Variants in SLC28A1 observed in about 807,000 individuals in gnomAD.
The protein encoded by SLC28A1 is sodium/nucleoside cotransporter 1.
Under a neutral mutation model 74.8 loss-of-function variants are expected in SLC28A1, and 64 were observed. The ratio of observed to expected loss-of-function variants is 0.86; its 90% CI spans 0.70 to 1.05. The LOEUF (loss-of-function observed/expected upper bound fraction) is 1.05. SLC28A1 is among the 50% of genes least tolerant of loss of function. The pLI is 0.00. For synonymous variants in SLC28A1, 359 were observed against 335.0 expected (o/e 1.07, Z -0.78); for missense variants, 828 against 822.8 (o/e 1.01, Z -0.08).
intron 8 of SLC28A1, among the ~76,000 whole-genome samples, chr15:84,906,575 TTC>T (rs773761097): frequency 0.31 from 12,269 of 39,194 alleles, 1,089 homozygotes; most frequent in South Asian, 0.45. Flanking sequence ...TCTTTCTTTC[TTC>T]CTTCCTTCCT....
At chr15:84,942,162 T>C (rs1972794771) in intron 15 of SLC28A1, among the ~76,000 whole-genome samples, 1 of 152,174 alleles carries the variant, frequency 6.6e-6, no homozygotes, top group African/African-American at 2.4e-5. Context: ...TGTGGGTATA[T>C]AGTAGGTGTA....
chr15:84,926,802 A>AT (rs1555453368), intron 12 of SLC28A1, among the ~76,000 whole-genome samples: 1 of 108,102 alleles, frequency 9.3e-6, no homozygotes, highest in Non-Finnish European at 1.8e-5. Flanking sequence ...GGGTGGGGGG[A>AT]GGGGGGGGGT....
chr15:84,957,907 G>T, the SLC28A1 span, among the ~76,000 whole-genome samples: 81 of 152,054 alleles, frequency 5.3e-4, no homozygotes, highest in Non-Finnish European at 1.0e-3. Flanking sequence ...CAATTTGAGG[G>T]GTACATCCAG....
the SLC28A1 span, among the ~76,000 whole-genome samples, chr15:84,954,622 A>G: frequency 1.3e-5 from 2 of 152,238 alleles, no homozygotes; most frequent in Admixed American, 1.3e-4. Flanking sequence ...TCAAGGGCAC[A>G]CAGTTCAGCG....
At chr15:84,923,454 A>G (rs1970099409) in intron 11 of SLC28A1, among the ~76,000 whole-genome samples, 1 of 152,164 alleles carries the variant, frequency 6.6e-6, no homozygotes, top group Non-Finnish European at 1.5e-5. Flanking sequence ...CCTGGAACAC[A>G]GTAGGCGCTC....
At chr15:84,938,937 A>G (rs1185927178) in intron 15 of SLC28A1, among the ~76,000 whole-genome samples, 1 of 152,236 alleles carries the variant, frequency 6.6e-6, no homozygotes, top group African/African-American at 2.4e-5. Context: ...CTTAGAGAGC[A>G]GAGGCAATGG....
At chr15:84,896,903 A>G (rs1966058069) in intron 6 of SLC28A1, among the ~76,000 whole-genome samples, 1 of 152,220 alleles carries the variant, frequency 6.6e-6, no homozygotes, top group Non-Finnish European at 1.5e-5. Context: ...TTCCATTTAT[A>G]TGAAATGTCC....
intron 9 of SLC28A1, among the ~76,000 whole-genome samples, chr15:84,911,143 A>G (rs1210120201): frequency 6.6e-6 from 1 of 151,828 alleles, no homozygotes; most frequent in Non-Finnish European, 1.5e-5. Context: ...CCCGCCCACC[A>G]CTGGCCCGCG....
chr15:84,913,515 C>G (rs1228115835), intron 9 of SLC28A1, among the ~76,000 whole-genome samples: 1 of 152,202 alleles, frequency 6.6e-6, no homozygotes, highest in Admixed American at 6.5e-5. Context: ...TCAGCTGCAC[C>G]AGCAGCATCT....
chr15:84,896,025 C>G (rs1339081060), intron 6 of SLC28A1: 2 of 815,782 alleles, frequency 2.5e-6, no homozygotes, highest in Admixed American at 6.2e-5. Flanking sequence ...TTATTAAATA[C>G]ATTTGTGATT....
chr15:84,920,064 T>TA (rs1969617489), intron 10 of SLC28A1, among the ~76,000 whole-genome samples: 1 of 152,118 alleles, frequency 6.6e-6, no homozygotes, highest in Non-Finnish European at 1.5e-5. Flanking sequence ...TCCAAATACT[T>TA]ACAGAAGAGA....
rs934315355 is a variant in SLC28A1 at position 84,895,889 on chromosome 15, A to G, written c.461+766A>G. The stretch of plus-strand genomic sequence containing the variant: ...CTAAGTCAGGGGGATGCAGGGGTAC[A>G]GGGGTGCCTCTCACTTTCCCAAAGT... On this transcript the variant is annotated intron_variant, in intron 6 of 18. Coordinates refer to ENST00000394573, the MANE Select transcript of SLC28A1 (RefSeq NM_004213.5). 2.1e-5 allele frequency: 22 copies of G among 1,024,540 alleles called. No individual in the cohort carries two copies. The South Asian group carries it at 5.4e-4, about 25-fold the overall frequency. The allele number at this position is 1,024,540 out of a possible 1,614,324, so 63.5% of individuals were successfully genotyped here.
intron 5 of SLC28A1, among the ~76,000 whole-genome samples, chr15:84,892,273 G>A (rs1301006553): frequency 6.6e-6 from 1 of 152,150 alleles, no homozygotes; most frequent in Non-Finnish European, 1.5e-5. Flanking sequence ...GCTCTGGAGG[G>A]GAGGGGCAGT....
chr15:84,895,352 T>C (rs1329295408), intron 6 of SLC28A1: 1 of 1,613,922 alleles, frequency 6.2e-7, no homozygotes, highest in South Asian at 1.1e-5. Context: ...GGACGAAAAC[T>C]GGACTCAACA....
chr15:84,916,204 A>G (rs963210439), intron 9 of SLC28A1, among the ~76,000 whole-genome samples: 1 of 130,032 alleles, frequency 7.7e-6, no homozygotes, highest in Non-Finnish European at 1.6e-5. Context: ...ACCTCAAATG[A>G]TCCACCTGCC....
intron 18 of SLC28A1, 63 bp downstream of exon 18, chr15:84,944,930 T>G: frequency 8.0e-7 from 1 of 1,253,556 alleles, no homozygotes; most frequent in Non-Finnish European, 1.2e-6. Flanking sequence ...GCCTGAGCGC[T>G]GGGGGGGATG....
Position 84,886,770 on chromosome 15 carries a change from C to G in SLC28A1, c.-34C>G. On this transcript the variant is annotated 5_prime_UTR_variant, in exon 2 of 19. Transcript: ENST00000394573. ...TGCTTCCCTCTCTCTCTGAGAGCGA[C>G]CTGTTAACCGCAAATACGTGAGTAG... 3 of 985,380 alleles carry G rather than the reference C, an allele frequency of 3.0e-6. No homozygotes were observed. Among genetic ancestry groups the G allele is most frequent in the Middle Eastern group, 5.2e-4 (1 of 1,914 alleles). The allele number at this position is 985,380 out of a possible 1,614,324, so 61.0% of individuals were successfully genotyped here.
intron 9 of SLC28A1, among the ~76,000 whole-genome samples, chr15:84,916,119 C>T (rs1969056631): frequency 6.6e-6 from 1 of 151,852 alleles, no homozygotes; most frequent in African/African-American, 2.4e-5. Context: ...CCCGCCACTA[C>T]CCCTGGCTTA....
intron 9 of SLC28A1, among the ~76,000 whole-genome samples, chr15:84,912,797 T>TGCGCGCGCGCGCGCGC (rs148740007): frequency 1.7e-5 from 2 of 118,174 alleles, no homozygotes; most frequent in African/African-American, 6.6e-5. Flanking sequence ...TGCCAAATTT[T>TGCGCGCGCGCGCGCGC]GCGCGCGCGC....
Sources: gnomAD v4.1 joint callset for allele counts (sites outside exome capture counted in the v4.1 genomes callset) on GRCh38, gnomAD v4.1.1 for gene constraint, MANE v1.5 for transcripts, NCBI Gene and HGNC (gene_info 2026-07-23, HGNC 2026-07-21) for gene names.